The following ANKHD1 variants were observed in gnomAD, a reference collection of about 807,000 sequenced individuals.
ANKHD1 encodes the protein ankyrin repeat and KH domain-containing protein 1.
Under a neutral mutation model 230.5 loss-of-function variants are expected in ANKHD1, and 31 were observed. That is an observed-to-expected ratio of 0.13 (90% CI 0.10 to 0.18). The LOEUF (loss-of-function observed/expected upper bound fraction) is 0.18. Among genes scored for constraint, ANKHD1 ranks in the 10% least tolerant of loss-of-function variants. The pLI is 1.00. For missense variants in ANKHD1, 2,256 were observed against 3,071.3 expected (o/e 0.73, Z 6.27); for synonymous variants, 1,074 against 1,117.6 (o/e 0.96, Z 0.78).
chr5:140,430,846 G>A (rs1342991016), intron 1 of ANKHD1, among the ~76,000 whole-genome samples: 2 of 151,598 alleles, frequency 1.3e-5, no homozygotes, highest in African/African-American at 2.4e-5. Context: ...ATTATTTTTC[G>A]TAGAGACAAG....
At chr5:140,408,884 A>G (rs1770697495) in intron 1 of ANKHD1, among the ~76,000 whole-genome samples, 1 of 152,160 alleles carries the variant, frequency 6.6e-6, no homozygotes, top group Admixed American at 6.6e-5. Context: ...GTGCACCACA[A>G]TACTTGGCTA....
intron 1 of ANKHD1, among the ~76,000 whole-genome samples, chr5:140,426,901 C>G (rs982637937): frequency 1.3e-5 from 2 of 152,176 alleles, no homozygotes; most frequent in African/African-American, 4.8e-5. Context: ...AATGAAAAGT[C>G]TCCCATGTCT....
chr5:140,527,119 C>G lies in ANKHD1; in HGVS notation c.5087+45C>G. The G allele has an allele frequency of 6.4e-7, 1 of 1,567,898 alleles. No homozygotes were observed. The highest frequency in any genetic ancestry group is 8.6e-7 in the Non-Finnish European group (1 of 1,157,084). ...TCTTTTTAGCTTTCATATATTTTCC[C>G]TTTCTCATGTGAGATGGCTACCTAG... On this transcript the variant is annotated intron_variant, in intron 27 of 33. Transcript: ENST00000360839. The surrounding 1 kb of genome is among the most constrained non-coding windows in gnomAD (Gnocchi z 4.5).
chr5:140,442,602 CTT>C (rs983979935), intron 5 of ANKHD1, among the ~76,000 whole-genome samples: 2 of 152,082 alleles, frequency 1.3e-5, no homozygotes, highest in African/African-American at 4.8e-5. Context: ...GAAAATATCT[CTT>C]ATATTTACAT....
intron 15 of ANKHD1, among the ~76,000 whole-genome samples, chr5:140,503,966 T>A (rs1752430961): frequency 6.6e-6 from 1 of 152,234 alleles, no homozygotes; most frequent in African/African-American, 2.4e-5. Flanking sequence ...ACTGATTTTT[T>A]AACAAAGTTT....
At chr5:140,491,830 G>A (rs1222257301) in intron 14 of ANKHD1, among the ~76,000 whole-genome samples, 1 of 152,052 alleles carries the variant, frequency 6.6e-6, no homozygotes, top group East Asian at 1.9e-4. Flanking sequence ...ACTATGCCTT[G>A]CTTGTATTAG....
chr5:140,526,866 G>C, intron 26 of ANKHD1, 62 bp from the exon 27 acceptor site: 3 of 1,529,008 alleles, frequency 2.0e-6, no homozygotes, highest in South Asian at 2.7e-5. Flanking sequence ...TAAAGGAATA[G>C]TCTCTTGAGT....
chr5:140,408,622 A>G lies in ANKHD1; in HGVS notation c.306+6349A>G, dbSNP rs570536202. ...CCCATCCTGATTTTCTCCAGTAGGT[A>G]AGGAGTTGGGTCATATCCTTTAAGA... On this transcript the variant is annotated intron_variant, in intron 1 of 33. Coordinates refer to ENST00000360839, the MANE Select transcript of ANKHD1 (RefSeq NM_017747.3). Among the ~76,000 whole-genome samples, 70 of 152,334 alleles carry G rather than the reference A, an allele frequency of 4.6e-4. 1 individual carries two copies. The highest frequency in any genetic ancestry group is 6.8e-3 in the Middle Eastern group (2 of 294).
At chr5:140,439,152 C>T (rs939370370) in intron 3 of ANKHD1, among the ~76,000 whole-genome samples, 7 of 152,198 alleles carry the variant, frequency 4.6e-5, no homozygotes, top group South Asian at 2.1e-4. Context: ...GTTTGAGACT[C>T]GGTGGTCTAG....
chr5:140,481,930 T>C (rs1260936469), intron 10 of ANKHD1, among the ~76,000 whole-genome samples: 1 of 152,070 alleles, frequency 6.6e-6, no homozygotes, highest in African/African-American at 2.4e-5. Flanking sequence ...AGCAAGCTCC[T>C]TTTAGTGGCA....
chr5:140,525,596 C>T (rs369739605), intron 25 of ANKHD1, among the ~76,000 whole-genome samples: 9 of 152,036 alleles, frequency 5.9e-5, no homozygotes, highest in African/African-American at 1.9e-4. Context: ...TTCAGCTGGG[C>T]GCAGTGGCTC....
chr5:140,523,701 C>G (rs1753469639), intron 24 of ANKHD1, among the ~76,000 whole-genome samples: 1 of 151,924 alleles, frequency 6.6e-6, no homozygotes, highest in Non-Finnish European at 1.5e-5. Context: ...GCTGAGACTG[C>G]AAGTCCGTGC....
At chr5:140,467,114 C>G (rs1192081957) in intron 10 of ANKHD1, among the ~76,000 whole-genome samples, 2 of 151,870 alleles carry the variant, frequency 1.3e-5, no homozygotes, top group Non-Finnish European at 2.9e-5. Flanking sequence ...ACTATGTGTT[C>G]TTGTGTTCTA....
At chr5:140,435,594 G>A (rs1773382156) in intron 1 of ANKHD1, among the ~76,000 whole-genome samples, 1 of 151,994 alleles carries the variant, frequency 6.6e-6, no homozygotes, top group Non-Finnish European at 1.5e-5. Flanking sequence ...GGCCAGGATG[G>A]TCTCAAACTC....
At chr5:140,419,844 C>T (rs13162222) in intron 1 of ANKHD1, among the ~76,000 whole-genome samples, 3 of 109,546 alleles carry the variant, frequency 2.7e-5, no homozygotes, top group East Asian at 2.4e-4. Flanking sequence ...CTTTTTCTTT[C>T]TCTTTCTTTT....
At chr5:140,469,454 C>T (rs1776337052) in intron 10 of ANKHD1, among the ~76,000 whole-genome samples, 2 of 151,872 alleles carry the variant, frequency 1.3e-5, no homozygotes, top group African/African-American at 4.8e-5. Flanking sequence ...TTGTAGTAAG[C>T]TGAGATTGCA....
intron 1 of ANKHD1, among the ~76,000 whole-genome samples, chr5:140,405,822 A>G (rs2126834559): frequency 6.6e-6 from 1 of 152,258 alleles, no homozygotes. Context: ...TGGTAGAGAC[A>G]GCGTTTTGTC....
At position 140,499,852 on chromosome 5, in the gene ANKHD1, A is replaced by C. The variant is rs559040469; in HGVS notation, c.3004+2574A>C. Among the ~76,000 whole-genome samples, 19 of 151,790 alleles carry C rather than the reference A, an allele frequency of 1.3e-4. 1 individual carries two copies. ...TTTACCTTTGAGCAGTTCTAGAAAT[A>C]CTTAGTAAAATTTTCTTTCTTTTTT... On this transcript the variant is annotated intron_variant, in intron 15 of 33. Transcript: ENST00000360839.
chr5:140,468,003 C>T (rs951737809), intron 10 of ANKHD1, among the ~76,000 whole-genome samples: 7 of 145,768 alleles, frequency 4.8e-5, no homozygotes, highest in Non-Finnish European at 1.0e-4. Flanking sequence ...TATTTCATTC[C>T]TGGCATCTCA....
Sources: gnomAD v4.1 joint callset for allele counts (sites outside exome capture counted in the v4.1 genomes callset) on GRCh38, gnomAD v4.1.1 for gene constraint, Gnocchi (gnomAD v3.1) non-coding constraint, MANE v1.5 for transcripts, NCBI Gene and HGNC (gene_info 2026-07-23, HGNC 2026-07-21) for gene names.